Variants in SEPSECS observed in about 807,000 individuals in gnomAD.
SEPSECS encodes the protein O-phosphoseryl-tRNA(Sec) selenium transferase.
SEPSECS carries 42 observed loss-of-function variants against 52.1 expected under a neutral mutation model. The observed-to-expected ratio is 0.81, with a 90% CI of 0.63 to 1.04. The LOEUF is 1.04. Among genes scored for constraint, SEPSECS ranks in the 50% least tolerant of loss-of-function variants. SEPSECS has a pLI of 0.00. For synonymous variants in SEPSECS, 216 were observed against 211.4 expected, an observed-to-expected ratio of 1.02 and a Z score of -0.19; for missense variants, 590 against 610.6, an observed-to-expected ratio of 0.97 and a Z score of 0.36.
At chr4:25,142,101 A>AC (rs1167951782) in intron 8 of SEPSECS, among the ~76,000 whole-genome samples, 2 of 152,082 alleles carry the variant, frequency 1.3e-5, no homozygotes, top group Non-Finnish European at 2.9e-5. Context: ...ACATGGCAAA[A>AC]CCCCGTCTCT....
chr4:25,129,616 C>T (rs974630164), intron 8 of SEPSECS, among the ~76,000 whole-genome samples: 1 of 151,536 alleles, frequency 6.6e-6, no homozygotes, highest in Non-Finnish European at 1.5e-5. Context: ...GTCTCAAACT[C>T]CTGACCTCAG....
chr4:25,139,599 T>C lies in SEPSECS; in HGVS notation c.1026+5175A>G, dbSNP rs537816989. ...CAGGGTTTCACCATCTTGGCCAGGA[T>C]GGTCTCAATCTCTTGACCTCGTGAT... is the stretch of plus-strand genomic sequence containing the variant. On this transcript the variant is annotated intron_variant, in intron 8 of 10. Transcript: ENST00000382103. 2.0e-5 allele frequency among the ~76,000 whole-genome samples: 3 copies of C among 152,116 alleles called. No homozygotes were observed. In the South Asian group the frequency reaches 6.2e-4, roughly 31 times the overall value.
At chr4:25,149,695 CAGA>C (rs1358519835) in intron 6 of SEPSECS, among the ~76,000 whole-genome samples, 3 of 152,118 alleles carry the variant, frequency 2.0e-5, no homozygotes, top group East Asian at 1.9e-4. Flanking sequence ...AAAAATTACA[CAGA>C]AGAAGAGCAA....
At chr4:25,145,187 T>C in intron 6 of SEPSECS, 54 bp from the exon 7 acceptor site, 1 of 1,578,340 alleles carries the variant, frequency 6.3e-7, no homozygotes, top group South Asian at 1.1e-5. Flanking sequence ...ACAACTGCTA[T>C]TAACAAACAA....
intron 5 of SEPSECS, 116 bp from the exon 6 acceptor site, chr4:25,152,178 A>AG: frequency 1.5e-6 from 1 of 654,856 alleles, no homozygotes. Context: ...AAGGAAAAAA[A>AG]CGACAAACAC....
Position 25,120,491 on chromosome 4 carries a change from C to T in SEPSECS, c.*3440G>A, listed in dbSNP as rs1728078467. The T allele has an allele frequency of 6.6e-6, 1 of 152,054 alleles. No individual in the cohort carries two copies. Among genetic ancestry groups the T allele is most frequent in the African/African-American group, 2.4e-5 (1 of 41,412 alleles). 9.4% of individuals were successfully genotyped at this position (152,054 alleles called of 1,614,324 possible). Reference sequence around the variant, plus strand: ...ACAAGGAAAAAACTGACTAATAGAACCTTTTCTTAAAAAGCTGTTAATAGC... The same window carrying T: ...ACAAGGAAAAAACTGACTAATAGAATCTTTTCTTAAAAAGCTGTTAATAGC... On this transcript the variant is annotated 3_prime_UTR_variant, in exon 11 of 11. Coordinates refer to ENST00000382103, the MANE Select transcript of SEPSECS (RefSeq NM_016955.4).
chr4:25,159,099 A>T lies in SEPSECS; in HGVS notation c.123T>A (p.Cys41Ter), dbSNP rs1447724343. 1 of 1,578,198 alleles carries T rather than the reference A, an allele frequency of 6.3e-7. No homozygotes were observed. The highest frequency in any genetic ancestry group is 8.5e-7 in the Non-Finnish European group (1 of 1,169,958). The part of the protein sequence containing the change: ...LIRLLLEKGK[C>*]PENGWDESTL... ...TACTTTCATCCCAGCCATTCTCTGG[A>T]CACTTGCCCTTAAAAAAAAAAAAAA... is the stretch of plus-strand genomic sequence containing the variant. Residue 41 changes from cysteine (C) to a stop codon, truncating the protein, a stop_gained, in exon 2 of 11, where the codon TGT becomes TGA. Transcript: ENST00000382103. LOFTEE classifies it high-confidence loss of function.
chr4:25,134,741 C>T (rs547859615), intron 8 of SEPSECS, among the ~76,000 whole-genome samples: 5 of 152,122 alleles, frequency 3.3e-5, no homozygotes, highest in African/African-American at 7.2e-5. Flanking sequence ...TTTATGGTTT[C>T]GAAGTCAAGA....
Position 25,142,582 on chromosome 4 carries a change from G to A in SEPSECS, c.1026+2192C>T, listed in dbSNP as rs1045851490. On this transcript the variant is annotated intron_variant, in intron 8 of 10. Coordinates refer to ENST00000382103, the MANE Select transcript of SEPSECS (RefSeq NM_016955.4). ...ATAAATACACAGTAAATGTTTACTC[G>A]AATCTTATCCCACATTCAACTTTAC... is the stretch of plus-strand genomic sequence containing the variant. Among the ~76,000 whole-genome samples the A allele has an allele frequency of 5.3e-5, 8 of 152,146 alleles. No homozygotes were observed. The South Asian group carries it at 1.5e-3, about 28-fold the overall frequency.
intron 4 of SEPSECS, 88 bp from the exon 5 acceptor site, chr4:25,155,239 A>G: frequency 3.0e-6 from 4 of 1,353,468 alleles, no homozygotes; most frequent in South Asian, 1.2e-5. Flanking sequence ...TATTCTACAC[A>G]AGAACTCTTA....
At chr4:25,149,748 A>G (rs527296087) in intron 6 of SEPSECS, among the ~76,000 whole-genome samples, 1 of 152,342 alleles carries the variant, frequency 6.6e-6, no homozygotes, top group East Asian at 1.9e-4. Context: ...AATCACTGAA[A>G]TAAAATGTTT....
intron 6 of SEPSECS, among the ~76,000 whole-genome samples, chr4:25,151,376 T>C (rs986555504): frequency 1.3e-5 from 2 of 152,030 alleles, no homozygotes; most frequent in Non-Finnish European, 2.9e-5. Context: ...AGGAAAGCAG[T>C]AGAAAATGAA....
At chr4:25,154,936 T>A (rs1712527405) in intron 5 of SEPSECS, 62 bp downstream of exon 5, 3 of 1,480,044 alleles carry the variant, frequency 2.0e-6, no homozygotes, top group Non-Finnish European at 2.8e-6. Context: ...TATTTGAGAA[T>A]TAGTATATTT....
chr4:25,152,171 GA>G, intron 5 of SEPSECS, 109 bp from the exon 6 acceptor site: 1 of 653,270 alleles, frequency 1.5e-6, no homozygotes. Flanking sequence ...TACACCAAAG[GA>G]AAAAAACGAC....
chr4:25,129,229 C>A (rs898026578), intron 8 of SEPSECS, among the ~76,000 whole-genome samples: 1 of 152,046 alleles, frequency 6.6e-6, no homozygotes, highest in Non-Finnish European at 1.5e-5. Flanking sequence ...ATGTGATAAG[C>A]CTTTCTCTTT....
chr4:25,134,124 CAAAAAA>C (rs34672005), intron 8 of SEPSECS, among the ~76,000 whole-genome samples: 3 of 13,174 alleles, frequency 2.3e-4, no homozygotes, highest in Non-Finnish European at 3.2e-4. Flanking sequence ...GACCCCATCT[CAAAAAA>C]AAAAAAAAAA....
Position 25,120,671 on chromosome 4 carries a change from T to C in SEPSECS, c.*3260A>G, listed in dbSNP as rs1414675406. The C allele has an allele frequency of 6.6e-6, 1 of 152,154 alleles. No homozygotes were observed. The highest frequency in any genetic ancestry group is 2.4e-5 in the African/African-American group (1 of 41,460). The allele number at this position is 152,154 out of a possible 1,614,324, so 9.4% of individuals were successfully genotyped here. On this transcript the variant is annotated 3_prime_UTR_variant, in exon 11 of 11. Coordinates refer to ENST00000382103, the MANE Select transcript of SEPSECS (RefSeq NM_016955.4). ...CATTTAAGGGTCTGGCAGAGGTTAG[T>C]ACATCTCAGAAAGTGGGAAAAGGAA...
At chr4:25,133,957 TA>T (rs991695154) in intron 8 of SEPSECS, among the ~76,000 whole-genome samples, 4 of 143,936 alleles carry the variant, frequency 2.8e-5, no homozygotes, top group Admixed American at 7.0e-5. Context: ...CTACAAAAAG[TA>T]AAAAAAAATA....
Position 25,156,162 on chromosome 4 carries a change from G to A in SEPSECS, c.422C>T (p.Pro141Leu). 2.5e-6 allele frequency: 4 copies of A among 1,614,018 alleles called. No individual in the cohort carries two copies. The highest frequency in any genetic ancestry group is 1.7e-6 in the Non-Finnish European group (2 of 1,179,972). The change falls in exon 4 of 11, where the codon CCT becomes CTT. Residue 141 changes from proline (P) to leucine (L), a missense_variant. Pro to Leu is a moderately conservative substitution (Grantham distance 98, BLOSUM62 -3). Transcript: ENST00000382103. ...VHTVANCFVV[P>L]MATGMSLTLC... ...AGTTAGACTCATACCAGTTGCCATA[G>A]GAACTACAAAGCAGTTGGCTACTGT... is the stretch of plus-strand genomic sequence containing the variant.
Sources: allele counts gnomAD v4.1 joint callset (sites outside exome capture counted in the v4.1 genomes callset), GRCh38; gene constraint gnomAD v4.1.1; transcripts MANE v1.5; gene names NCBI Gene and HGNC (gene_info 2026-07-23, HGNC 2026-07-21).